Variants in ERCC6 observed in about 807,000 individuals in gnomAD.
ERCC6 encodes the protein DNA excision repair protein ERCC-6.
A neutral mutation model predicts 158.7 loss-of-function variants in ERCC6; 116 were observed. The observed-to-expected ratio is 0.73, with a 90% CI of 0.63 to 0.85. The LOEUF is 0.85. ERCC6 is among the 40% of genes least tolerant of loss of function. ERCC6 has a pLI of 0.00. For synonymous variants in ERCC6, 678 were observed against 659.3 expected (o/e 1.03, Z -0.43); for missense variants, 1,698 against 1,799.4 (o/e 0.94, Z 1.02).
intron 8 of ERCC6, among the ~76,000 whole-genome samples, chr10:49,486,088 C>T (rs1014582083): frequency 2.6e-5 from 4 of 151,990 alleles, no homozygotes; most frequent in African/African-American, 9.7e-5. Flanking sequence ...AATGGGGATG[C>T]CACAATAAGA....
rs1851348871 is a variant in ERCC6 at position 49,501,124 on chromosome 10, A to G, written c.1527-428T>C. The G allele has an allele frequency of 1.7e-5, 4 of 234,596 alleles. No homozygotes were observed. The South Asian group carries it at 2.3e-4, about 13-fold the overall frequency. 14.5% of individuals were successfully genotyped at this position (234,596 alleles called of 1,614,324 possible). ...TGTTTATTTTTTCAATCTGAATAGCATCAAAAAAGCAGGACAGAGAACACC... is the reference window on the plus strand; with the variant it reads ...TGTTTATTTTTTCAATCTGAATAGCGTCAAAAAAGCAGGACAGAGAACACC... On this transcript the variant is annotated intron_variant, in intron 6 of 20. Coordinates refer to ENST00000355832, the MANE Select transcript of ERCC6 (RefSeq NM_000124.4).
chr10:49,455,956 C>T lies in ERCC6; in HGVS notation c.*2859G>A, dbSNP rs1321038587. 6.6e-6 allele frequency: 1 copy of T among 152,178 alleles called. No homozygotes were observed. The highest frequency in any genetic ancestry group is 1.5e-5 in the Non-Finnish European group (1 of 68,032). The allele number at this position is 152,178 out of a possible 1,614,324, so 9.4% of individuals were successfully genotyped here. A position where few individuals can be genotyped will look rare whatever the true frequency, so the allele number is the denominator to read the frequency against. On this transcript the variant is annotated 3_prime_UTR_variant, in exon 21 of 21. Transcript: ENST00000355832. ...ATTGATGCAAGCAATTCTGCTACAT[C>T]CACTGACATTTAAAATCTACATCAT...
chr10:49,461,089 T>C (rs1221287894), intron 19 of ERCC6, among the ~76,000 whole-genome samples: 1 of 152,180 alleles, frequency 6.6e-6, no homozygotes, highest in East Asian at 1.9e-4. Flanking sequence ...CTGTATCTCT[T>C]ACTATTTTTA....
In ERCC6 at chr10:49,458,909, G is replaced by C; in HGVS notation, c.4388C>G (p.Ser1463Cys). ...EFESKLSASQ[S>C]CVFRELLRNL... ...TCTCAATAGTTCTCGGAAGACACAA[G>C]ACTGTGATGCAGATAACTTGGATTC... The change falls in exon 21 of 21, where the codon TCT becomes TGT. Residue 1463 changes from serine (S) to cysteine (C), a missense_variant. Physicochemically the swap from Ser to Cys is moderately radical, Grantham distance 112 (BLOSUM62 -1). Transcript: ENST00000355832. 6.2e-7 allele frequency: 1 copy of C among 1,614,216 alleles called. No individual in the cohort carries two copies. Among genetic ancestry groups the C allele is most frequent in the South Asian group, 1.1e-5 (1 of 91,088 alleles).
intron 18 of ERCC6, among the ~76,000 whole-genome samples, chr10:49,466,780 T>C (rs1398293842): frequency 1.3e-5 from 2 of 152,186 alleles, no homozygotes; most frequent in East Asian, 3.9e-4. Context: ...CTTCCTTTTA[T>C]TGTTGATTAG....
chr10:49,530,323 T>G (rs977473501), intron 3 of ERCC6, among the ~76,000 whole-genome samples: 3 of 152,224 alleles, frequency 2.0e-5, no homozygotes, highest in African/African-American at 4.8e-5. Flanking sequence ...CATAACCCCA[T>G]TATAAACTGA....
Position 49,532,576 on chromosome 10 carries a change from T to A in ERCC6, c.389A>T (p.Glu130Val). The A allele has an allele frequency of 6.2e-7, 1 of 1,614,182 alleles. No homozygotes were observed. Among genetic ancestry groups the A allele is most frequent in the Non-Finnish European group, 8.5e-7 (1 of 1,180,036 alleles). The change falls in exon 2 of 21, where the codon GAG becomes GTG. Residue 130 changes from glutamate to valine, a missense_variant. Coordinates refer to ENST00000355832, the MANE Select transcript of ERCC6 (RefSeq NM_000124.4). ...ATCCAGGACCGACCGATACTCCTTC[T>A]CCACGTCAACGAGCTGGGAGGCACG... ...ASRASQLVDV[E>V]KEYRSVLDDL... is the part of the protein sequence containing the mutation.
At chr10:49,523,752 C>A (rs1191482577) in intron 5 of ERCC6, among the ~76,000 whole-genome samples, 4 of 152,094 alleles carry the variant, frequency 2.6e-5, no homozygotes, top group African/African-American at 7.2e-5. Flanking sequence ...TCACACTCAG[C>A]CCTCTGTATG....
intron 5 of ERCC6, among the ~76,000 whole-genome samples, chr10:49,511,553 T>C (rs909394379): frequency 6.6e-6 from 1 of 152,048 alleles, no homozygotes; most frequent in Non-Finnish European, 1.5e-5. Flanking sequence ...GCCTCCAGAA[T>C]AGCTAGGACT....
At chr10:49,503,425 A>G (rs553003595) in intron 6 of ERCC6, 5 of 152,198 alleles carry the variant, frequency 3.3e-5, no homozygotes, top group Non-Finnish European at 7.3e-5. Flanking sequence ...GGCAGCATGT[A>G]AGTCATATCT....
the ERCC6 span, among the ~76,000 whole-genome samples, chr10:49,444,368 T>A: frequency 1.3e-5 from 2 of 152,162 alleles, no homozygotes; most frequent in East Asian, 3.9e-4. Flanking sequence ...ACAGGGGGTC[T>A]CAAATATATC....
At chr10:49,465,380 A>G (rs1324299835) in intron 18 of ERCC6, among the ~76,000 whole-genome samples, 1 of 152,252 alleles carries the variant, frequency 6.6e-6, no homozygotes, top group Admixed American at 6.5e-5. Context: ...TTACAGGCTC[A>G]TAGGCAGAAG....
intron 11 of ERCC6, among the ~76,000 whole-genome samples, chr10:49,477,664 T>A (rs1230056048): frequency 6.6e-6 from 1 of 152,028 alleles, no homozygotes; most frequent in Non-Finnish European, 1.5e-5. Context: ...AGCTAGCTCC[T>A]CCTCTTCTAC....
chr10:49,506,473 C>T (rs1851445264), intron 5 of ERCC6: 1 of 167,714 alleles, frequency 6.0e-6, no homozygotes, highest in Admixed American at 5.9e-5. Context: ...CAACAAAGCC[C>T]CTTAAACATA....
At chr10:49,517,461 T>C (rs1168334412) in intron 5 of ERCC6, among the ~76,000 whole-genome samples, 1 of 152,168 alleles carries the variant, frequency 6.6e-6, no homozygotes, top group Non-Finnish European at 1.5e-5. Flanking sequence ...GAGGCAGACA[T>C]GTGTGAAAAA....
At chr10:49,452,960 G>A (rs1295136183), downstream of ERCC6, among the ~76,000 whole-genome samples, 1 of 152,036 alleles carries the variant, frequency 6.6e-6, no homozygotes, top group African/African-American at 2.4e-5. Flanking sequence ...AGCCTAAAGT[G>A]TGTTATCTAT....
chr10:49,519,237 A>C (rs1006589763), intron 5 of ERCC6, among the ~76,000 whole-genome samples: 1 of 152,246 alleles, frequency 6.6e-6, no homozygotes, highest in Non-Finnish European at 1.5e-5. Context: ...AAAGGGAAGG[A>C]AACATGTATG....
intron 19 of ERCC6, 76 bp from the exon 20 acceptor site, chr10:49,460,527 T>C: frequency 7.0e-6 from 7 of 1,004,890 alleles, no homozygotes; most frequent in Middle Eastern, 2.6e-4. Flanking sequence ...CTTTCAACAA[T>C]GAACTTCTTC....
At chr10:49,500,503 C>T in intron 7 of ERCC6, 35 bp downstream of exon 7, 9 of 1,608,348 alleles carry the variant, frequency 5.6e-6, no homozygotes, top group Non-Finnish European at 7.7e-6. Flanking sequence ...ATTAATTGAG[C>T]TCCACAGACT....
Sources: allele counts gnomAD v4.1 joint callset (sites outside exome capture counted in the v4.1 genomes callset), GRCh38; gene constraint gnomAD v4.1.1; transcripts MANE v1.5; gene names NCBI Gene and HGNC (gene_info 2026-07-23, HGNC 2026-07-21).